SGCD: variants seen among roughly 807,000 people sequenced by gnomAD.
SGCD encodes sarcoglycan delta, also known as delta-sarcoglycan.
Under a neutral mutation model 36.6 loss-of-function variants are expected in SGCD, and 18 were observed. The ratio of observed to expected loss-of-function variants is 0.49; its 90% confidence interval spans 0.34 to 0.73. The LOEUF (loss-of-function observed/expected upper bound fraction) is 0.73, where lower values mean the gene tolerates loss of function less well. Ranked by LOEUF, SGCD falls within the 30% of genes least tolerant of loss-of-function variation. SGCD has a pLI of 0.01. For missense variants in SGCD, 387 were observed against 346.7 expected (o/e 1.12, Z -0.92); for synonymous variants, 133 against 130.6 (o/e 1.02, Z -0.12).
the SGCD span, among the ~76,000 whole-genome samples, chr5:155,832,356 C>CT: frequency 6.6e-6 from 1 of 152,272 alleles, no homozygotes; most frequent in East Asian, 1.9e-4. Flanking sequence ...GCCTATAACT[C>CT]TAACATTTAT....
At position 156,270,746 on chromosome 5, in the gene SGCD, C is replaced by T. The variant is rs140843977; in HGVS notation, c.-43-58788C>T. Among the ~76,000 whole-genome samples the T allele has an allele frequency of 7.8e-3, 1,183 of 152,230 alleles. 5 individuals carry two copies. The highest frequency in any genetic ancestry group is 0.011 in the Non-Finnish European group (753 of 68,020). ...ACTTCCTGTCTCTCAGCCTTTTTCT[C>T]CTCATCTGTGTAGTAGGGGCATTGA... On this transcript the variant is annotated intron_variant, in intron 3 of 9. Transcript: ENST00000517913.
At chr5:156,723,475 G>A (rs1755613636) in intron 7 of SGCD, among the ~76,000 whole-genome samples, 1 of 152,244 alleles carries the variant, frequency 6.6e-6, no homozygotes, top group African/African-American at 2.4e-5. Context: ...TCCTCTCTTT[G>A]TGCAGTTAAT....
intron 1 of SGCD, among the ~76,000 whole-genome samples, chr5:156,062,482 G>C (rs1044309589): frequency 1.7e-5 from 2 of 119,546 alleles, no homozygotes; most frequent in East Asian, 2.2e-4. Context: ...GGTATTTCTA[G>C]TTCTAGATCC....
intron 7 of SGCD, among the ~76,000 whole-genome samples, chr5:156,725,458 G>A (rs958899163): frequency 6.6e-6 from 1 of 152,230 alleles, no homozygotes; most frequent in Admixed American, 6.5e-5. Context: ...CCAGCTTATG[G>A]AAATGTATGA....
rs1413800241 is a variant in SGCD at position 156,431,759 on chromosome 5, A to G, written c.193-76842A>G. Among the ~76,000 whole-genome samples the G allele has an allele frequency of 2.0e-5, 3 of 151,996 alleles. No homozygotes were observed. The East Asian group carries it at 5.8e-4, about 29-fold the overall frequency. ...GGACAGAGTTTTGCTCTTGTCACCC[A>G]GGCTGGAGTGCAGTGGCGTGATCTC... On this transcript the variant is annotated intron_variant, in intron 3 of 8. Coordinates refer to ENST00000337851, the MANE Select transcript of SGCD (RefSeq NM_000337.6).
chr5:156,151,784 C>T (rs74757950), intron 3 of SGCD, among the ~76,000 whole-genome samples: 5,589 of 151,376 alleles, frequency 0.037, 551 homozygotes, highest in African/African-American at 0.13. Context: ...TTTTAAGATA[C>T]AGCTGGACCA....
Position 156,049,871 on chromosome 5 carries a change from G to C in SGCD, c.-281-68007G>C, listed in dbSNP as rs1040727641. Among the ~76,000 whole-genome samples the C allele has an allele frequency of 1.4e-5, 2 of 146,416 alleles. 1 individual carries two copies. The highest frequency in any genetic ancestry group is 3.1e-5 in the Non-Finnish European group (2 of 64,952). On this transcript the variant is annotated intron_variant, in intron 1 of 9. Transcript: ENST00000517913. ...TGCAGATGTGGTGGAACTAGCCAGA[G>C]AACTGGAATTAGAAGTAGAGCCTGG... is the stretch of plus-strand genomic sequence containing the variant.
chr5:156,520,186 A>G (rs553831635), intron 4 of SGCD, among the ~76,000 whole-genome samples: 8 of 152,236 alleles, frequency 5.3e-5, no homozygotes, highest in Non-Finnish European at 1.2e-4. Flanking sequence ...TACAAAATCA[A>G]TGTGCAAAAA....
intron 5 of SGCD, among the ~76,000 whole-genome samples, chr5:156,590,821 C>G (rs1191194913): frequency 1.3e-5 from 2 of 150,878 alleles, no homozygotes; most frequent in Non-Finnish European, 3.0e-5. Context: ...GTGCTTCTCT[C>G]CCTATTCCTT....
intron 1 of SGCD, among the ~76,000 whole-genome samples, chr5:155,989,905 A>G (rs910211680): frequency 6.6e-6 from 1 of 152,244 alleles, no homozygotes; most frequent in African/African-American, 2.4e-5. Flanking sequence ...TTCGACTTAT[A>G]GAATTCCACT....
intron 1 of SGCD, among the ~76,000 whole-genome samples, chr5:156,024,299 T>C (rs1435832446): frequency 2.6e-5 from 4 of 151,304 alleles, no homozygotes; most frequent in Non-Finnish European, 5.9e-5. Context: ...AAATTGAAAA[T>C]GTGGCTTATC....
At chr5:155,832,299 A>G in the SGCD span, among the ~76,000 whole-genome samples, 1 of 152,180 alleles carries the variant, frequency 6.6e-6, no homozygotes, top group Non-Finnish European at 1.5e-5. Flanking sequence ...TAATGCTGAG[A>G]TGAATGATCC....
intron 3 of SGCD, among the ~76,000 whole-genome samples, chr5:156,451,908 C>G (rs1644009617): frequency 6.6e-6 from 1 of 152,168 alleles, no homozygotes; most frequent in African/African-American, 2.4e-5. Flanking sequence ...CCAGATACTG[C>G]TCAAGACTCT....
At chr5:156,532,603 G>A (rs1757932147) in intron 4 of SGCD, among the ~76,000 whole-genome samples, 1 of 152,094 alleles carries the variant, frequency 6.6e-6, no homozygotes, top group African/African-American at 2.4e-5. Context: ...TAGAACCACA[G>A]GCACCCACCA....
At chr5:156,621,313 TC>T in intron 6 of SGCD, among the ~76,000 whole-genome samples, 1 of 152,316 alleles carries the variant, frequency 6.6e-6, no homozygotes, top group Non-Finnish European at 1.5e-5. Flanking sequence ...TGCATCAGCC[TC>T]CCAAGTAGCT....
At chr5:155,753,365 A>G in the SGCD span, among the ~76,000 whole-genome samples, 1 of 151,708 alleles carries the variant, frequency 6.6e-6, no homozygotes, top group Non-Finnish European at 1.5e-5. Flanking sequence ...AATGGGTCTC[A>G]TCTCAACTAG....
intron 3 of SGCD, among the ~76,000 whole-genome samples, chr5:156,380,034 C>G (rs540587888): frequency 6.6e-6 from 1 of 151,906 alleles, no homozygotes; most frequent in African/African-American, 2.4e-5. Context: ...TGTGGGCTCC[C>G]CCAGGTCTAG....
At position 156,695,333 on chromosome 5, in the gene SGCD, G is replaced by A. The variant is rs1282581292; in HGVS notation, c.575+47797G>A. Among the ~76,000 whole-genome samples, 6 of 152,190 alleles carry A rather than the reference G, an allele frequency of 3.9e-5. No homozygotes were observed. In the South Asian group the frequency reaches 1.2e-3, roughly 32 times the overall value. ...GTGAGTGGGCATCATCCAATCAATT[G>A]AAGGCCTTAATAGAAAAAGACTGAA... On this transcript the variant is annotated intron_variant, in intron 7 of 8. Transcript: ENST00000337851.
intron 3 of SGCD, among the ~76,000 whole-genome samples, chr5:156,449,677 CAAAAAAAAAAAAAAAAAAAA>C (rs397883573): frequency 2.2e-5 from 1 of 46,048 alleles, no homozygotes; most frequent in Non-Finnish European, 3.9e-5. Context: ...ACTAAAAATA[CAAAAAAAAAAAAAAAAAAAA>C]AAAAATCAGC....
Sources: allele counts gnomAD v4.1 joint callset (sites outside exome capture counted in the v4.1 genomes callset), GRCh38; gene constraint gnomAD v4.1.1; transcripts MANE v1.5; gene names NCBI Gene and HGNC (gene_info 2026-07-23, HGNC 2026-07-21).